The following PEX26 variants were observed in gnomAD, a reference collection of about 807,000 sequenced individuals.
PEX26 encodes the protein peroxisomal biogenesis factor 26, also known as peroxisome assembly protein 26.
In PEX26, 18 loss-of-function variants were observed where a neutral mutation model predicts 31.4. That is an observed-to-expected ratio of 0.57 (90% CI 0.40 to 0.85). The LOEUF is 0.85. Ranked by LOEUF, PEX26 falls within the 40% of genes least tolerant of loss-of-function variation. PEX26 has a pLI of 0.00. For synonymous variants in PEX26, 176 were observed against 166.9 expected, an observed-to-expected ratio of 1.05 and a Z score of -0.42; for missense variants, 377 against 383.9, an observed-to-expected ratio of 0.98 and a Z score of 0.15.
In PEX26 at chr22:18,083,530, A is replaced by G. The variant is rs1569187820; in HGVS notation, c.465A>G (p.Glu155=). 6.2e-7 allele frequency: 1 copy of G among 1,614,004 alleles called. No homozygotes were observed. Among genetic ancestry groups the G allele is most frequent in the Admixed American group, 1.7e-5 (1 of 60,012 alleles). ...LQDPANQNLP[E]YGALAEFHVQ... ...ACCCAGCCAATCAAAACCTTCCAGA[A>G]TATGGAGCCTTGGCAGAATTTCACG... Residue 155 remains glutamate (E), a synonymous_variant, in exon 3 of 5, where the codon GAA becomes GAG. Coordinates refer to ENST00000399744, the MANE Select transcript of PEX26 (RefSeq NM_001127649.3).
In PEX26 at chr22:18,078,560, T is replaced by A; in HGVS notation, c.184T>A (p.Trp62Arg). The change falls in exon 1 of 5, where the codon TGG (tryptophan) becomes AGG (arginine). Residue 62 changes from tryptophan (W) to arginine (R), a missense_variant. Trp to Arg is a moderately radical substitution (Grantham distance 101). Coordinates refer to ENST00000399744, the MANE Select transcript of PEX26 (RefSeq NM_001127649.3). ...RAALETCERA[W>R]QSLANHAVAE... ...GGCGCTGGAGACCTGCGAGCGGGCC[T>A]GGCAGAGTCTGGCCAACCACGCCGT... 1.3e-6 allele frequency: 2 copies of A among 1,594,728 alleles called. No homozygotes were observed. The highest frequency in any genetic ancestry group is 8.5e-7 in the Non-Finnish European group (1 of 1,173,270).
At chr22:18,087,074 G>A (rs1300278657) in intron 4 of PEX26, among the ~76,000 whole-genome samples, 2 of 151,542 alleles carry the variant, frequency 1.3e-5, no homozygotes, top group East Asian at 1.9e-4. Context: ...CTCCATGCCC[G>A]GCTAATTTTT....
In PEX26 at chr22:18,088,403, G is replaced by A. The variant is rs1926938153; in HGVS notation, c.*328G>A. 1 of 435,512 alleles carries A rather than the reference G, an allele frequency of 2.3e-6. No homozygotes were observed. Among genetic ancestry groups the A allele is most frequent in the Non-Finnish European group, 4.3e-6 (1 of 231,466 alleles). The allele number at this position is 435,512 out of a possible 1,614,324, so 27.0% of individuals were successfully genotyped here. A position where few individuals can be genotyped will look rare whatever the true frequency, so the allele number is the denominator to read the frequency against. ...TCTTCTTGGTGAAGGCAAGGGGTTG[G>A]TTCTTCAGGTCAGGATGTTAATGGA... is the stretch of plus-strand genomic sequence containing the variant. On this transcript the variant is annotated 3_prime_UTR_variant, in exon 5 of 5. Coordinates refer to ENST00000399744, the MANE Select transcript of PEX26 (RefSeq NM_001127649.3). This position sits in a 1 kb window ranked among gnomAD's most constrained non-coding sequence, Gnocchi z 4.1.
At position 18,095,072 on chromosome 22, in the gene PEX26, A is replaced by G. The variant is rs569782480; in HGVS notation, c.*6997A>G. On this transcript the variant is annotated 3_prime_UTR_variant, in exon 5 of 5. Transcript: ENST00000399744. ...CCATGTAAGAGGCCAAGTAATAAAG[A>G]TTTGTTGAATGAACTTGGATTTTGG... 1 of 152,278 alleles carries G rather than the reference A, an allele frequency of 6.6e-6. No homozygotes were observed. The highest frequency in any genetic ancestry group is 2.1e-4 in the South Asian group (1 of 4,830). The allele number at this position is 152,278 out of a possible 1,614,324, so 9.4% of individuals were successfully genotyped here. A position where few individuals can be genotyped will look rare whatever the true frequency, so the allele number is the denominator to read the frequency against.
chr22:18,088,122 C>A lies in PEX26; in HGVS notation c.*47C>A, dbSNP rs763990737. 1.5e-6 allele frequency: 2 copies of A among 1,290,642 alleles called. No homozygotes were observed. The highest frequency in any genetic ancestry group is 3.4e-5 in the Admixed American group (2 of 59,634). 79.9% of individuals were successfully genotyped at this position (1,290,642 alleles called of 1,614,324 possible). ...TCTCTGCTCCTCACGTCCGTGGCCA[C>A]AGAAGCAGAGCGACAGAGCGACACA... On this transcript the variant is annotated 3_prime_UTR_variant, in exon 5 of 5. Coordinates refer to ENST00000399744, the MANE Select transcript of PEX26 (RefSeq NM_001127649.3). This position sits in a 1 kb window ranked among gnomAD's most constrained non-coding sequence, Gnocchi z 4.1.
rs563152543 is a variant in PEX26, at chr22:18,079,516, T to C, written c.231-358T>C. On this transcript the variant is annotated intron_variant, in intron 1 of 4. Coordinates refer to ENST00000399744, the MANE Select transcript of PEX26 (RefSeq NM_001127649.3). Reference sequence around the variant, plus strand: ...AGCCAGAAACCTTGCTCCAAGCCCATTTGTTCACAGAGCAAACTCTTAGTT... The same window carrying C: ...AGCCAGAAACCTTGCTCCAAGCCCACTTGTTCACAGAGCAAACTCTTAGTT... Among the ~76,000 whole-genome samples the C allele has an allele frequency of 1.1e-4, 17 of 152,300 alleles. No individual in the cohort carries two copies. In the East Asian group the frequency reaches 3.1e-3, roughly 28 times the overall value.
intron 2 of PEX26, chr22:18,081,330 T>C (rs979963031): frequency 6.2e-6 from 1 of 162,268 alleles, no homozygotes; most frequent in Non-Finnish European, 1.3e-5. Context: ...ATATCTTGGC[T>C]GTTGTGAATA....
At position 18,085,117 on chromosome 22, in the gene PEX26, G is replaced by A. The variant is rs368290011; in HGVS notation, c.673G>A (p.Val225Ile). ...EAQKPNLEGSVSHKFLSLPML... is the reference protein window; with the variant it reads ...EAQKPNLEGSISHKFLSLPML... ...TGCTCTGTCTCCCTGGCCAGGCTCTGTCTCCCACAAGTTCCTGTCACTACC... is the reference window on the plus strand; with the variant it reads ...TGCTCTGTCTCCCTGGCCAGGCTCTATCTCCCACAAGTTCCTGTCACTACC... The change falls in exon 4 of 5, where the codon GTC (valine) becomes ATC (isoleucine). Residue 225 changes from valine (V) to isoleucine (I), a missense_variant. Physicochemically the swap from Val to Ile is conservative, Grantham distance 29. Transcript: ENST00000399744. 7 of 1,613,952 alleles carry A rather than the reference G, an allele frequency of 4.3e-6. No homozygotes were observed. Among genetic ancestry groups the A allele is most frequent in the Non-Finnish European group, 5.9e-6 (7 of 1,180,004 alleles).
At chr22:18,085,493 C>G (rs931715854) in intron 4 of PEX26, among the ~76,000 whole-genome samples, 2 of 152,166 alleles carry the variant, frequency 1.3e-5, no homozygotes, top group Non-Finnish European at 2.9e-5. Flanking sequence ...TCCACTTGGC[C>G]CTGCTGACTC....
intron 2 of PEX26, among the ~76,000 whole-genome samples, chr22:18,081,277 CACAT>C (rs1926592309): frequency 7.0e-6 from 1 of 142,632 alleles, no homozygotes; most frequent in African/African-American, 2.5e-5. Flanking sequence ...CACACACACA[CACAT>C]TATCCATTCA....
In PEX26 at chr22:18,103,812, A is replaced by G. The variant is rs752848944; in HGVS notation, c.*15737A>G. On this transcript the variant is annotated 3_prime_UTR_variant, in exon 5 of 5. Coordinates refer to ENST00000399744, the MANE Select transcript of PEX26 (RefSeq NM_001127649.3). The stretch of plus-strand genomic sequence containing the variant: ...CATGCACCACCACCAACTTTTTGCT[A>G]TTGTGAATAACATAGCTGTAAACAG... The G allele has an allele frequency of 1.3e-5, 2 of 152,278 alleles. No homozygotes were observed. The highest frequency in any genetic ancestry group is 2.9e-5 in the Non-Finnish European group (2 of 68,096). The allele number at this position is 152,278 out of a possible 1,614,324, so 9.4% of individuals were successfully genotyped here.
chr22:18,087,942 C>T (rs758357093), intron 4 of PEX26, 30 bp from the exon 5 acceptor site: 16 of 1,370,464 alleles, frequency 1.2e-5, no homozygotes, highest in Middle Eastern at 1.8e-4. Context: ...AGGGGTGGGA[C>T]GTTCACTGTA....
Position 18,097,278 on chromosome 22 carries a change from T to C in PEX26, c.*9203T>C, listed in dbSNP as rs538748054. The C allele has an allele frequency of 1.3e-5, 2 of 152,150 alleles. No individual in the cohort carries two copies. The highest frequency in any genetic ancestry group is 4.8e-5 in the African/African-American group (2 of 41,468). The allele number at this position is 152,150 out of a possible 1,614,324, so 9.4% of individuals were successfully genotyped here. A position where few individuals can be genotyped will look rare whatever the true frequency, so the allele number is the denominator to read the frequency against. On this transcript the variant is annotated 3_prime_UTR_variant, in exon 5 of 5. Transcript: ENST00000399744. ...CGTTAGTTTTTTTTTTTTTTCTTTT[T>C]TTTGAGACAGAGCCTCACTCTGTCG...
Position 18,078,617 on chromosome 22 carries a change from G to C in PEX26, c.230+11G>C. 6.3e-7 allele frequency: 1 copy of C among 1,595,592 alleles called. No homozygotes were observed. Among genetic ancestry groups the C allele is most frequent in the Non-Finnish European group, 8.5e-7 (1 of 1,173,958 alleles). On this transcript the variant is annotated intron_variant, in intron 1 of 4. Coordinates refer to ENST00000399744, the MANE Select transcript of PEX26 (RefSeq NM_001127649.3). The stretch of plus-strand genomic sequence containing the variant: ...GGAACCCGCGGGCACGTACGTGCTG[G>C]GCTCGGAAATGAACCGATTTCCGGG...
intron 1 of PEX26, chr22:18,078,925 G>C (rs1436287286): frequency 2.0e-6 from 1 of 503,370 alleles, no homozygotes; most frequent in South Asian, 1.8e-5. Flanking sequence ...CCTCTCCCAG[G>C]TACCTCCGCC....
intron 4 of PEX26, among the ~76,000 whole-genome samples, chr22:18,086,414 C>T (rs1018609298): frequency 6.6e-6 from 1 of 152,220 alleles, no homozygotes; most frequent in Non-Finnish European, 1.5e-5. Context: ...TAGGCAGTTA[C>T]ATGTCACACA....
Position 18,096,700 on chromosome 22 carries a change from G to A in PEX26, c.*8625G>A, listed in dbSNP as rs544798244. Reference sequence around the variant, plus strand: ...CCCAAAGTGCTGGGATTACAGGCGTGAGCCACCACGCCCGGCCGGCTCTGA... The same window carrying A: ...CCCAAAGTGCTGGGATTACAGGCGTAAGCCACCACGCCCGGCCGGCTCTGA... On this transcript the variant is annotated 3_prime_UTR_variant, in exon 5 of 5. Transcript: ENST00000399744. The A allele has an allele frequency of 6.6e-6, 1 of 152,332 alleles. No individual in the cohort carries two copies. Among genetic ancestry groups the A allele is most frequent in the South Asian group, 2.1e-4 (1 of 4,820 alleles). 9.4% of individuals were successfully genotyped at this position (152,332 alleles called of 1,614,324 possible). A position where few individuals can be genotyped will look rare whatever the true frequency, so the allele number is the denominator to read the frequency against.
chr22:18,088,719 T>C lies in PEX26; in HGVS notation c.*644T>C. On this transcript the variant is annotated 3_prime_UTR_variant, in exon 5 of 5. Transcript: ENST00000399744. This position sits in a 1 kb window ranked among gnomAD's most constrained non-coding sequence, Gnocchi z 4.1. ...TGAGCCAGGGAGGCAAAAGTTGCAG[T>C]GAGCTGAGATTGTGCTACCGCACTC... 5.6e-6 allele frequency: 1 copy of C among 177,202 alleles called. No homozygotes were observed. The highest frequency in any genetic ancestry group is 1.2e-5 in the Non-Finnish European group (1 of 82,096). The allele number at this position is 177,202 out of a possible 1,614,324, so 11.0% of individuals were successfully genotyped here.
At chr22:18,085,052 G>A (rs1304810120) in intron 3 of PEX26, 60 bp from the exon 4 acceptor site, 4 of 1,591,816 alleles carry the variant, frequency 2.5e-6, no homozygotes, top group African/African-American at 1.3e-5. Flanking sequence ...CACAGAGGTC[G>A]GGGTCAGGGA....
Sources: allele counts gnomAD v4.1 joint callset (sites outside exome capture counted in the v4.1 genomes callset), GRCh38; gene constraint gnomAD v4.1.1; non-coding constraint Gnocchi (gnomAD v3.1); transcripts MANE v1.5; gene names NCBI Gene and HGNC (gene_info 2026-07-23, HGNC 2026-07-21).